Variants in ROBO2 observed in about 807,000 individuals in gnomAD.
The protein encoded by ROBO2 is roundabout guidance receptor 2.
A neutral mutation model predicts 160.8 loss-of-function variants in ROBO2; 53 were observed. That is an observed-to-expected ratio of 0.33 (90% CI 0.26 to 0.41). ROBO2 has a LOEUF of 0.41. Ranked by LOEUF, ROBO2 falls within the 10% of genes least tolerant of loss-of-function variation. ROBO2 has a pLI of 1.00. For missense variants in ROBO2, 1,577 were observed against 1,722.4 expected, an observed-to-expected ratio of 0.92 and a Z score of 1.49; for synonymous variants, 664 against 611.7, an observed-to-expected ratio of 1.09 and a Z score of -1.26.
intron 2 of ROBO2, among the ~76,000 whole-genome samples, chr3:76,920,334 CAAT>C (rs2076578626): frequency 6.6e-6 from 1 of 152,036 alleles, no homozygotes; most frequent in Non-Finnish European, 1.5e-5. Flanking sequence ...GTCTGGGAAA[CAAT>C]AAATTTGCTG....
At chr3:76,765,008 C>T (rs573057099) in intron 2 of ROBO2, among the ~76,000 whole-genome samples, 22 of 151,616 alleles carry the variant, frequency 1.5e-4, no homozygotes, top group African/African-American at 4.3e-4. Flanking sequence ...ACCCTTCACC[C>T]AAATAGTGAA....
intron 2 of ROBO2, among the ~76,000 whole-genome samples, chr3:77,123,118 A>G (rs2074946512): frequency 6.6e-6 from 1 of 152,230 alleles, no homozygotes; most frequent in African/African-American, 2.4e-5. Flanking sequence ...ATATGATTTA[A>G]TATTTCCACA....
At chr3:77,541,672 C>T (rs1214941810) in intron 6 of ROBO2, among the ~76,000 whole-genome samples, 2 of 152,162 alleles carry the variant, frequency 1.3e-5, no homozygotes, top group East Asian at 3.8e-4. Context: ...CTGTTTGCTT[C>T]GTCTCATTTC....
intron 1 of ROBO2, among the ~76,000 whole-genome samples, chr3:77,060,088 A>T (rs749037319): frequency 6.6e-6 from 1 of 151,076 alleles, no homozygotes; most frequent in Non-Finnish European, 1.5e-5. Context: ...CTATAAATTC[A>T]GTCTCTGAGT....
At chr3:77,143,070 T>G (rs1037509183) in intron 2 of ROBO2, among the ~76,000 whole-genome samples, 1 of 151,516 alleles carries the variant, frequency 6.6e-6, no homozygotes. Flanking sequence ...CTGTGTGTCT[T>G]AATACCAGCA....
chr3:76,341,600 A>G (rs2074235018), intron 2 of ROBO2, among the ~76,000 whole-genome samples: 1 of 151,960 alleles, frequency 6.6e-6, no homozygotes, highest in Admixed American at 6.6e-5. Context: ...GAAGAGAGAA[A>G]ATGCTTGGGA....
At chr3:76,843,589 A>C (rs1279945389) in intron 2 of ROBO2, among the ~76,000 whole-genome samples, 1 of 151,982 alleles carries the variant, frequency 6.6e-6, no homozygotes, top group Non-Finnish European at 1.5e-5. Flanking sequence ...TTTACATCAA[A>C]ACTTTGGTAG....
intron 2 of ROBO2, among the ~76,000 whole-genome samples, chr3:77,122,959 CT>C (rs948230122): frequency 6.6e-6 from 1 of 150,662 alleles, no homozygotes; most frequent in African/African-American, 2.4e-5. Flanking sequence ...TTGTGAGGGG[CT>C]TTTTTTTTCA....
At chr3:76,111,224 C>T (rs1421925461) in intron 2 of ROBO2, among the ~76,000 whole-genome samples, 2 of 151,976 alleles carry the variant, frequency 1.3e-5, no homozygotes, top group Non-Finnish European at 2.9e-5. Context: ...CAGGGACACA[C>T]AGGGGGACGT....
At chr3:77,213,485 C>T (rs2084477199) in intron 2 of ROBO2, among the ~76,000 whole-genome samples, 1 of 151,830 alleles carries the variant, frequency 6.6e-6, no homozygotes, top group Non-Finnish European at 1.5e-5. Context: ...TTTTATTAGT[C>T]CTGCTAGCGG....
chr3:76,799,821 CTT>C (rs2064063625), intron 2 of ROBO2, among the ~76,000 whole-genome samples: 1 of 152,096 alleles, frequency 6.6e-6, no homozygotes, highest in African/African-American at 2.4e-5. Flanking sequence ...TCAATACAAT[CTT>C]TATCAAAATA....
chr3:77,121,895 G>A (rs1005279637), intron 2 of ROBO2, among the ~76,000 whole-genome samples: 2 of 152,066 alleles, frequency 1.3e-5, no homozygotes, highest in Non-Finnish European at 2.9e-5. Context: ...TTCACTGCAA[G>A]CCACTGATAT....
intron 2 of ROBO2, among the ~76,000 whole-genome samples, chr3:76,049,351 C>G (rs2107805149): frequency 6.9e-6 from 1 of 145,962 alleles, no homozygotes; most frequent in African/African-American, 2.6e-5. Flanking sequence ...GCTGAGACCA[C>G]AGGCACATGC....
intron 2 of ROBO2, chr3:76,435,512 A>G (rs1292814822): frequency 1.6e-6 from 1 of 636,796 alleles, no homozygotes; most frequent in Non-Finnish European, 2.9e-6. Context: ...GATTTCCTCT[A>G]CCTTGGTGCT....
At chr3:77,472,683 A>G (rs988268845) in intron 2 of ROBO2, among the ~76,000 whole-genome samples, 2 of 152,082 alleles carry the variant, frequency 1.3e-5, no homozygotes, top group Middle Eastern at 3.2e-3. Flanking sequence ...CAAGTTCTAT[A>G]TTAGAATGTA....
intron 2 of ROBO2, among the ~76,000 whole-genome samples, chr3:77,164,903 C>CTCT (rs1560143862): frequency 1.1e-5 from 1 of 90,844 alleles, no homozygotes; most frequent in Non-Finnish European, 2.5e-5. Flanking sequence ...GTCAGCCCCC[C>CTCT]GCCCGGCCAG....
chr3:77,591,215 C>T (rs566791308), intron 17 of ROBO2, among the ~76,000 whole-genome samples: 1 of 152,184 alleles, frequency 6.6e-6, no homozygotes, highest in East Asian at 1.9e-4. Flanking sequence ...CTCTGATTAT[C>T]TGGGCTGAGT....
chr3:76,634,161 G>A lies in ROBO2; in HGVS notation c.110-463853G>A, dbSNP rs181832772. ...AAAAATCAAGGTTGAATTTCTTTGC[G>A]GCTTTTCTCCTTGGCTTGCAGATAG... is the stretch of plus-strand genomic sequence containing the variant. On this transcript the variant is annotated intron_variant, in intron 2 of 26. Transcript: ENST00000487694. 4.7e-4 allele frequency among the ~76,000 whole-genome samples: 72 copies of A among 152,264 alleles called. No individual in the cohort carries two copies. In the East Asian group the frequency reaches 0.013, roughly 27 times the overall value.
At chr3:76,001,326 A>G (rs1424570920) in intron 2 of ROBO2, among the ~76,000 whole-genome samples, 1 of 152,200 alleles carries the variant, frequency 6.6e-6, no homozygotes, top group Non-Finnish European at 1.5e-5. Flanking sequence ...CAAGCTAAAT[A>G]GTCATTATCC....
Sources: allele counts gnomAD v4.1 joint callset (sites outside exome capture counted in the v4.1 genomes callset), GRCh38; gene constraint gnomAD v4.1.1; transcripts MANE v1.5; gene names NCBI Gene and HGNC (gene_info 2026-07-23, HGNC 2026-07-21).